FAM107B: variants seen among roughly 807,000 people sequenced by gnomAD.
FAM107B encodes the protein family with sequence similarity 107 member B.
In FAM107B, 21 loss-of-function variants were observed where a neutral mutation model predicts 31.5. The ratio of observed to expected loss-of-function variants is 0.67; its 90% CI spans 0.47 to 0.96. The LOEUF is 0.96. Among genes scored for constraint, FAM107B ranks in the 40% least tolerant of loss-of-function variants. The pLI is 0.00. For missense variants in FAM107B, 452 were observed against 377.1 expected (o/e 1.20, Z -1.64); for synonymous variants, 157 against 141.5 (o/e 1.11, Z -0.78).
intron 1 of FAM107B, among the ~76,000 whole-genome samples, chr10:14,744,579 C>A (rs1319965987): frequency 1.3e-5 from 2 of 151,950 alleles, no homozygotes; most frequent in African/African-American, 4.8e-5. Flanking sequence ...TTTTTGAAGG[C>A]CTTTTCTGTG....
At chr10:14,703,999 C>G (rs1160567851) in intron 1 of FAM107B, among the ~76,000 whole-genome samples, 1 of 152,174 alleles carries the variant, frequency 6.6e-6, no homozygotes, top group Non-Finnish European at 1.5e-5. Flanking sequence ...GGACAGAAAA[C>G]TGGGTTCTCC....
intron 2 of FAM107B, among the ~76,000 whole-genome samples, chr10:14,578,160 A>G (rs1364853830): frequency 6.6e-6 from 1 of 152,194 alleles, no homozygotes; most frequent in East Asian, 1.9e-4. Flanking sequence ...CAGAATGAGC[A>G]ACTACGCTAA....
intron 2 of FAM107B, among the ~76,000 whole-genome samples, chr10:14,602,170 T>C (rs753354918): frequency 6.6e-6 from 1 of 152,154 alleles, no homozygotes; most frequent in Non-Finnish European, 1.5e-5. Context: ...ACTCATTCAC[T>C]CACAGGCTAC....
chr10:14,751,769 C>T (rs1410571053), intron 1 of FAM107B, among the ~76,000 whole-genome samples: 1 of 152,054 alleles, frequency 6.6e-6, no homozygotes, highest in African/African-American at 2.4e-5. Flanking sequence ...CTGTGTTCCG[C>T]AAGAGCTGCA....
At chr10:14,635,133 G>T (rs1296426397) in intron 2 of FAM107B, among the ~76,000 whole-genome samples, 1 of 146,544 alleles carries the variant, frequency 6.8e-6, no homozygotes, top group Non-Finnish European at 1.5e-5. Context: ...AAGAAAGGAA[G>T]GAAGGGAGGG....
chr10:14,673,210 T>C (rs961270048), intron 1 of FAM107B, among the ~76,000 whole-genome samples: 8 of 152,208 alleles, frequency 5.3e-5, no homozygotes. Context: ...CACCCTGCAG[T>C]GCTATAGAAC....
chr10:14,629,433 T>A (rs1853280379), intron 2 of FAM107B, among the ~76,000 whole-genome samples: 1 of 9,472 alleles, frequency 1.1e-4, no homozygotes, highest in Non-Finnish European at 1.6e-4. Context: ...ATATAATATA[T>A]ATTATATATA....
At chr10:14,587,691 T>C (rs1458572915) in intron 2 of FAM107B, among the ~76,000 whole-genome samples, 1 of 152,234 alleles carries the variant, frequency 6.6e-6, no homozygotes, top group Non-Finnish European at 1.5e-5. Context: ...TCCTTGTTTT[T>C]ATTCTTTTGT....
intron 1 of FAM107B, among the ~76,000 whole-genome samples, chr10:14,763,954 T>A (rs1833110574): frequency 1.3e-5 from 2 of 152,258 alleles, no homozygotes; most frequent in African/African-American, 4.8e-5. Context: ...TCTGTGTCTA[T>A]GATTTTCTTG....
intron 1 of FAM107B, among the ~76,000 whole-genome samples, chr10:14,680,092 T>G (rs1258062542): frequency 6.6e-6 from 1 of 152,198 alleles, no homozygotes; most frequent in African/African-American, 2.4e-5. Context: ...TAGAGAACCC[T>G]GACTAACACA....
At chr10:14,709,459 T>C (rs111447070) in intron 1 of FAM107B, among the ~76,000 whole-genome samples, 53 of 152,330 alleles carry the variant, frequency 3.5e-4, no homozygotes, top group African/African-American at 1.1e-3. Flanking sequence ...AGAGAGCTTA[T>C]GTAGGGAAAC....
In FAM107B at chr10:14,774,854, T is replaced by C; in HGVS notation, c.-191A>G. 1 of 619,296 alleles carries C rather than the reference T, an allele frequency of 1.6e-6. No individual in the cohort carries two copies. The highest frequency in any genetic ancestry group is 2.8e-6 in the Non-Finnish European group (1 of 360,606). The allele number at this position is 619,296 out of a possible 1,614,324, so 38.4% of individuals were successfully genotyped here. ...AGAGTCACTTAGCCGCTGGGGCCCC[T>C]TTGAAAGTGTCCATCCTGGGCAATT... is the stretch of plus-strand genomic sequence containing the variant. On this transcript the variant is annotated 5_prime_UTR_variant, in exon 1 of 5. Transcript: ENST00000181796.
intron 2 of FAM107B, chr10:14,602,721 A>G (rs1384262845): frequency 1.3e-5 from 2 of 152,200 alleles, no homozygotes; most frequent in Non-Finnish European, 2.9e-5. Flanking sequence ...TCAATCCCAA[A>G]TGACTCCTGA....
At chr10:14,638,387 G>T (rs1293173575) in intron 2 of FAM107B, among the ~76,000 whole-genome samples, 1 of 151,932 alleles carries the variant, frequency 6.6e-6, no homozygotes, top group Non-Finnish European at 1.5e-5. Flanking sequence ...CAAAGTAGAA[G>T]CATTATGCTC....
chr10:14,576,280 G>C (rs895983738), intron 2 of FAM107B, among the ~76,000 whole-genome samples: 1 of 152,220 alleles, frequency 6.6e-6, no homozygotes, highest in African/African-American at 2.4e-5. Context: ...TGCAATCCCA[G>C]CACTTTGGGA....
intron 1 of FAM107B, among the ~76,000 whole-genome samples, chr10:14,702,971 G>A (rs981264129): frequency 7.2e-5 from 11 of 152,094 alleles, no homozygotes; most frequent in Non-Finnish European, 1.5e-4. Context: ...ACAAAATCAT[G>A]TTTATCTCTC....
At chr10:14,590,373 C>T (rs920272165) in intron 2 of FAM107B, among the ~76,000 whole-genome samples, 1 of 152,196 alleles carries the variant, frequency 6.6e-6, no homozygotes, top group African/African-American at 2.4e-5. Context: ...ATCCTAGAAC[C>T]TACTTTATAA....
At chr10:14,674,127 G>T (rs1854623720) in intron 1 of FAM107B, among the ~76,000 whole-genome samples, 1 of 152,274 alleles carries the variant, frequency 6.6e-6, no homozygotes, top group South Asian at 2.1e-4. Flanking sequence ...TTAAACGTAA[G>T]ACCCGAAGCT....
intron 1 of FAM107B, among the ~76,000 whole-genome samples, chr10:14,734,935 C>T (rs1385280330): frequency 1.3e-5 from 2 of 152,132 alleles, no homozygotes; most frequent in South Asian, 2.1e-4. Context: ...ATCTCCTCCC[C>T]TGGCACATAG....
Sources: gnomAD v4.1 joint callset for allele counts (sites outside exome capture counted in the v4.1 genomes callset) on GRCh38, gnomAD v4.1.1 for gene constraint, MANE v1.5 for transcripts, NCBI Gene and HGNC (gene_info 2026-07-23, HGNC 2026-07-21) for gene names.